Variants in PTPN4 observed in about 807,000 individuals in gnomAD.
PTPN4 encodes the protein protein tyrosine phosphatase non-receptor type 4, also known as tyrosine-protein phosphatase non-receptor type 4.
Under a neutral mutation model 135.5 loss-of-function variants are expected in PTPN4, and 49 were observed. That is an observed-to-expected ratio of 0.36 (90% CI 0.29 to 0.46). The LOEUF (loss-of-function observed/expected upper bound fraction) is 0.46. PTPN4 is among the 20% of genes least tolerant of loss of function. The probability of loss-of-function intolerance (pLI) is 1.00; values close to 1 mark genes in which losing one functional copy is unlikely to be tolerated. For synonymous variants in PTPN4, 333 were observed against 369.9 expected, an observed-to-expected ratio of 0.90 and a Z score of 1.14; for missense variants, 860 against 1,101.0, an observed-to-expected ratio of 0.78 and a Z score of 3.10.
At chr2:119,793,198 G>A (rs1691182082) in intron 1 of PTPN4, among the ~76,000 whole-genome samples, 1 of 152,130 alleles carries the variant, frequency 6.6e-6, no homozygotes, top group Non-Finnish European at 1.5e-5. Context: ...CTCCCAGAGC[G>A]GCCATTTTAG....
chr2:119,840,857 G>T (rs1053898406), intron 2 of PTPN4, among the ~76,000 whole-genome samples: 1 of 151,858 alleles, frequency 6.6e-6, no homozygotes, highest in Non-Finnish European at 1.5e-5. Context: ...AAGCTTTTTG[G>T]TTGGCCGCAT....
chr2:119,809,365 GTT>G (rs1194354923), intron 1 of PTPN4, among the ~76,000 whole-genome samples: 1 of 140,560 alleles, frequency 7.1e-6, no homozygotes. Context: ...ATGAAGGGTT[GTT>G]TTTTTTTTTA....
At chr2:119,938,212 C>T (rs190356534) in intron 15 of PTPN4, among the ~76,000 whole-genome samples, 1 of 147,784 alleles carries the variant, frequency 6.8e-6, no homozygotes, top group Non-Finnish European at 1.5e-5. Flanking sequence ...ACTGCAAGCT[C>T]TACCTCCCGG....
chr2:119,950,894 T>G (rs932871337), intron 18 of PTPN4, among the ~76,000 whole-genome samples: 1 of 152,202 alleles, frequency 6.6e-6, no homozygotes, highest in African/African-American at 2.4e-5. Context: ...ATTATGGTTG[T>G]TCCCATGACC....
At chr2:119,896,906 G>A (rs369048122) in intron 9 of PTPN4, among the ~76,000 whole-genome samples, 3 of 152,020 alleles carry the variant, frequency 2.0e-5, no homozygotes, top group African/African-American at 7.2e-5. Flanking sequence ...CCAGTGGGGA[G>A]TGTTCTTCTT....
intron 13 of PTPN4, among the ~76,000 whole-genome samples, chr2:119,928,058 T>C (rs983213366): frequency 2.1e-4 from 32 of 152,332 alleles, no homozygotes; most frequent in South Asian, 6.2e-4. Flanking sequence ...TATTCAGGAT[T>C]TTTCTATGCA....
At chr2:119,778,605 C>T (rs1446482904) in intron 1 of PTPN4, among the ~76,000 whole-genome samples, 2 of 151,874 alleles carry the variant, frequency 1.3e-5, no homozygotes, top group Non-Finnish European at 2.9e-5. Context: ...ACTTTAAATG[C>T]TGAAATGTAT....
intron 1 of PTPN4, among the ~76,000 whole-genome samples, chr2:119,789,624 AT>A (rs1160423502): frequency 4.0e-5 from 6 of 151,774 alleles, no homozygotes; most frequent in African/African-American, 1.5e-4. Flanking sequence ...ATCTCAGAGG[AT>A]TTTCTGATTT....
Position 119,869,668 on chromosome 2 carries a change from C to T in PTPN4, c.246+7025C>T, listed in dbSNP as rs556154786. 6.6e-5 allele frequency among the ~76,000 whole-genome samples: 10 copies of T among 152,248 alleles called. No individual in the cohort carries two copies. The South Asian group carries it at 1.2e-3, about 19-fold the overall frequency. On this transcript the variant is annotated intron_variant, in intron 3 of 26. Transcript: ENST00000263708. ...TGAACTTGCCCGTAGGCAAAGATTG[C>T]TAATATATATCTCAGCCCTTGCAGT...
intron 10 of PTPN4, among the ~76,000 whole-genome samples, chr2:119,904,087 A>G (rs543052545): frequency 6.6e-6 from 1 of 152,230 alleles, no homozygotes; most frequent in African/African-American, 2.4e-5. Context: ...ATCAACGTAT[A>G]AGGACAGAAG....
At chr2:119,767,063 G>A (rs1230761714) in intron 1 of PTPN4, among the ~76,000 whole-genome samples, 1 of 152,112 alleles carries the variant, frequency 6.6e-6, no homozygotes, top group Non-Finnish European at 1.5e-5. Context: ...CTCCTGAATC[G>A]CCTTAAACTA....
chr2:119,902,028 C>T (rs904052465), intron 10 of PTPN4, among the ~76,000 whole-genome samples: 1 of 152,120 alleles, frequency 6.6e-6, no homozygotes, highest in Non-Finnish European at 1.5e-5. Context: ...AAAATAGTGG[C>T]TGATAGTTTT....
At chr2:119,958,528 A>ACTAAC (rs894172352) in intron 22 of PTPN4, among the ~76,000 whole-genome samples, 6 of 152,178 alleles carry the variant, frequency 3.9e-5, no homozygotes, top group Non-Finnish European at 7.4e-5. Context: ...TTAGCTAAAT[A>ACTAAC]CTAACCTCCA....
At position 119,835,970 on chromosome 2, in the gene PTPN4, G is replaced by A. The variant is rs934882248; in HGVS notation, c.138+25979G>A. On this transcript the variant is annotated intron_variant, in intron 2 of 26. Transcript: ENST00000263708. ...TGTAATCCCAGCTACTTGGGAGGCT[G>A]AGGCAGGAGAATGGTGTGAATCCGG... 6.6e-5 allele frequency among the ~76,000 whole-genome samples: 10 copies of A among 152,146 alleles called. 1 individual carries two copies. Among genetic ancestry groups the A allele is most frequent in the Middle Eastern group, 6.8e-3 (2 of 292 alleles).
chr2:119,790,625 T>A (rs1458612685), intron 1 of PTPN4, among the ~76,000 whole-genome samples: 1 of 152,148 alleles, frequency 6.6e-6, no homozygotes, highest in African/African-American at 2.4e-5. Context: ...AGCAGGGTTT[T>A]AAAAATCCAT....
intron 3 of PTPN4, among the ~76,000 whole-genome samples, chr2:119,873,552 T>C (rs1677944432): frequency 6.6e-6 from 1 of 152,024 alleles, no homozygotes; most frequent in African/African-American, 2.4e-5. Context: ...AAACCATGAG[T>C]CATCAGGTAA....
At chr2:119,880,988 A>G (rs929003353) in intron 5 of PTPN4, among the ~76,000 whole-genome samples, 29 of 152,134 alleles carry the variant, frequency 1.9e-4, no homozygotes, top group African/African-American at 7.0e-4. Context: ...AGTGAAATAA[A>G]AAATCTTAAG....
intron 1 of PTPN4, among the ~76,000 whole-genome samples, chr2:119,775,841 A>ATCTATG (rs1266139448): frequency 6.6e-5 from 10 of 151,434 alleles, no homozygotes; most frequent in African/African-American, 2.4e-4. Flanking sequence ...CTATATCTAT[A>ATCTATG]TATCTATCTA....
chr2:119,926,061 T>C (rs1190586189), intron 12 of PTPN4, among the ~76,000 whole-genome samples: 1 of 152,222 alleles, frequency 6.6e-6, no homozygotes, highest in Non-Finnish European at 1.5e-5. Flanking sequence ...CTATGGAAAC[T>C]GGCATTTGGC....
Sources: allele counts gnomAD v4.1 joint callset (sites outside exome capture counted in the v4.1 genomes callset), GRCh38; gene constraint gnomAD v4.1.1; transcripts MANE v1.5; gene names NCBI Gene and HGNC (gene_info 2026-07-23, HGNC 2026-07-21).